RFX3: variants seen among roughly 807,000 people sequenced by gnomAD.
RFX3 encodes transcription factor RFX3.
In RFX3, 14 loss-of-function variants were observed where a neutral mutation model predicts 98.6. The ratio of observed to expected loss-of-function variants is 0.14; its 90% CI spans 0.09 to 0.22. The LOEUF is 0.22. Ranked by LOEUF, RFX3 falls within the 10% of genes least tolerant of loss-of-function variation. RFX3 has a pLI of 1.00. For missense variants in RFX3, 639 were observed against 926.9 expected (o/e 0.69, Z 4.03); for synonymous variants, 383 against 328.4 (o/e 1.17, Z -1.80).
intron 1 of RFX3, among the ~76,000 whole-genome samples, chr9:3,429,951 T>C (rs994387970): frequency 6.6e-6 from 1 of 152,172 alleles, no homozygotes; most frequent in Non-Finnish European, 1.5e-5. Context: ...AATAATCCCA[T>C]TGACAACTCT....
intron 14 of RFX3, among the ~76,000 whole-genome samples, chr9:3,252,685 C>T (rs1476753994): frequency 6.6e-6 from 1 of 151,940 alleles, no homozygotes; most frequent in Non-Finnish European, 1.5e-5. Flanking sequence ...GTCTAGTAGG[C>T]CATGATAAGG....
At chr9:3,335,316 T>A (rs1563945030) in intron 3 of RFX3, among the ~76,000 whole-genome samples, 1 of 152,074 alleles carries the variant, frequency 6.6e-6, no homozygotes, top group South Asian at 2.1e-4. Flanking sequence ...AAATTTATTT[T>A]AAAAAAGAAG....
At chr9:3,453,076 C>T (rs1416932631) in intron 1 of RFX3, among the ~76,000 whole-genome samples, 1 of 152,108 alleles carries the variant, frequency 6.6e-6, no homozygotes, top group Non-Finnish European at 1.5e-5. Flanking sequence ...GTACGCACAT[C>T]CCGTAAGACT....
chr9:3,463,895 C>A (rs1847956678), intron 1 of RFX3, among the ~76,000 whole-genome samples: 1 of 152,000 alleles, frequency 6.6e-6, no homozygotes, highest in Admixed American at 6.6e-5. Context: ...ATTGTTTGGG[C>A]CTGGGAAGTC....
At chr9:3,430,246 G>C (rs1181510729) in intron 1 of RFX3, among the ~76,000 whole-genome samples, 2 of 152,176 alleles carry the variant, frequency 1.3e-5, no homozygotes, top group African/African-American at 4.8e-5. Flanking sequence ...GTTAAAGCCT[G>C]GAATGAAAGA....
At chr9:3,278,422 T>G (rs1825510427) in intron 7 of RFX3, among the ~76,000 whole-genome samples, 1 of 151,888 alleles carries the variant, frequency 6.6e-6, no homozygotes, top group Non-Finnish European at 1.5e-5. Context: ...ATTCACACTA[T>G]GCTGTCTGGC....
chr9:3,227,502 G>T (rs999183138), intron 16 of RFX3, among the ~76,000 whole-genome samples: 6 of 152,160 alleles, frequency 3.9e-5, no homozygotes, highest in African/African-American at 1.4e-4. Flanking sequence ...TGGAAATTTG[G>T]TGCATAAAAA....
intron 2 of RFX3, among the ~76,000 whole-genome samples, chr9:3,394,431 G>C (rs1043678340): frequency 1.3e-5 from 2 of 152,136 alleles, no homozygotes; most frequent in African/African-American, 4.8e-5. Flanking sequence ...CCACTGCACT[G>C]CAGCCTGGGA....
chr9:3,496,275 C>T (rs1183944469), intron 1 of RFX3, among the ~76,000 whole-genome samples: 1 of 151,988 alleles, frequency 6.6e-6, no homozygotes, highest in Non-Finnish European at 1.5e-5. Context: ...TATTTCATCT[C>T]TTAGTGCATA....
chr9:3,228,781 T>C, intron 16 of RFX3, 66 bp downstream of exon 16: 7 of 1,351,698 alleles, frequency 5.2e-6, no homozygotes, highest in African/African-American at 1.5e-5. Flanking sequence ...ATATACCGTA[T>C]TTTCCTCTGT....
At chr9:3,457,095 C>T (rs930913037) in intron 1 of RFX3, among the ~76,000 whole-genome samples, 1 of 135,290 alleles carries the variant, frequency 7.4e-6, no homozygotes, top group African/African-American at 2.9e-5. Context: ...GAACCGAGAT[C>T]GCACCACTGC....
intron 15 of RFX3, among the ~76,000 whole-genome samples, chr9:3,231,244 T>C (rs1350991523): frequency 6.6e-6 from 1 of 152,140 alleles, no homozygotes; most frequent in African/African-American, 2.4e-5. Flanking sequence ...ATTTTAAAAA[T>C]CCTGTGAAGA....
intron 2 of RFX3, 41 bp downstream of exon 2, chr9:3,395,431 T>C (rs764182438): frequency 1.2e-6 from 2 of 1,602,476 alleles, no homozygotes; most frequent in Admixed American, 1.7e-5. Flanking sequence ...GCCAACATAA[T>C]GAAAGTAACA....
At chr9:3,491,977 C>G (rs776751891) in intron 1 of RFX3, among the ~76,000 whole-genome samples, 1 of 152,152 alleles carries the variant, frequency 6.6e-6, no homozygotes. Context: ...CTACATTGGC[C>G]TCACCCACAA....
chr9:3,403,594 C>G (rs1841681491), intron 1 of RFX3, among the ~76,000 whole-genome samples: 1 of 152,092 alleles, frequency 6.6e-6, no homozygotes, highest in African/African-American at 2.4e-5. Flanking sequence ...TTAACTAATT[C>G]TTTCCTTGAC....
At chr9:3,504,319 A>G (rs185253410) in intron 1 of RFX3, among the ~76,000 whole-genome samples, 2,976 of 130,568 alleles carry the variant, frequency 0.023, 77 homozygotes, top group Non-Finnish European at 0.031. Flanking sequence ...AGCATATATT[A>G]TATATAAAAT....
chr9:3,505,242 A>ATATATATATGAATATATATT (rs1564186876), intron 1 of RFX3, among the ~76,000 whole-genome samples: 29 of 73,756 alleles, frequency 3.9e-4, no homozygotes, highest in African/African-American at 1.4e-3. Flanking sequence ...ATATATATTT[A>ATATATATATGAATATATATT]TATATATATG....
chr9:3,422,837 T>C (rs1310617511), intron 1 of RFX3, among the ~76,000 whole-genome samples: 2 of 152,158 alleles, frequency 1.3e-5, no homozygotes, highest in Non-Finnish European at 2.9e-5. Context: ...AGGAGAAATG[T>C]ATTTCAGAAA....
chr9:3,316,394 T>C (rs140711066), intron 4 of RFX3, among the ~76,000 whole-genome samples: 2,589 of 152,196 alleles, frequency 0.017, 37 homozygotes, highest in African/African-American at 0.023. Flanking sequence ...TAAGAGCTAT[T>C]TATGACAAAC....
Sources: gnomAD v4.1 joint callset for allele counts (sites outside exome capture counted in the v4.1 genomes callset) on GRCh38, gnomAD v4.1.1 for gene constraint, MANE v1.5 for transcripts, NCBI Gene and HGNC (gene_info 2026-07-23, HGNC 2026-07-21) for gene names.